The following PI4K2B variants were observed in gnomAD, a reference collection of about 807,000 sequenced individuals.
PI4K2B encodes phosphatidylinositol 4-kinase type 2-beta.
Under a neutral mutation model 56.6 loss-of-function variants are expected in PI4K2B, and 46 were observed. The observed-to-expected ratio is 0.81, with a 90% CI of 0.64 to 1.04. PI4K2B has a LOEUF of 1.04. PI4K2B is among the 50% of genes least tolerant of loss of function. PI4K2B has a pLI of 0.00. For synonymous variants in PI4K2B, 211 were observed against 223.8 expected (o/e 0.94, Z 0.51); for missense variants, 556 against 607.7 (o/e 0.91, Z 0.89).
chr4:25,264,737 G>A (rs1392601118), intron 7 of PI4K2B, among the ~76,000 whole-genome samples: 3 of 151,668 alleles, frequency 2.0e-5, no homozygotes, highest in Admixed American at 2.0e-4. Flanking sequence ...CAGGTGTGGT[G>A]GCCGATGCCT....
intron 9 of PI4K2B, among the ~76,000 whole-genome samples, chr4:25,275,317 C>G (rs1033719693): frequency 2.6e-5 from 4 of 152,132 alleles, no homozygotes; most frequent in African/African-American, 9.7e-5. Context: ...ATAATAAACT[C>G]AAATTTCATA....
At chr4:25,238,203 A>T (rs532552030) in intron 1 of PI4K2B, among the ~76,000 whole-genome samples, 1 of 152,318 alleles carries the variant, frequency 6.6e-6, no homozygotes, top group Admixed American at 6.5e-5. Context: ...GATTTTTGAA[A>T]TTACTGAGCA....
chr4:25,243,432 C>T (rs1715622982), intron 1 of PI4K2B, among the ~76,000 whole-genome samples: 1 of 152,224 alleles, frequency 6.6e-6, no homozygotes, highest in African/African-American at 2.4e-5. Context: ...TTTCTGTCCT[C>T]TCTGAACCAC....
At chr4:25,270,334 G>GT (rs1560380201) in intron 9 of PI4K2B, among the ~76,000 whole-genome samples, 3 of 150,954 alleles carry the variant, frequency 2.0e-5, no homozygotes, top group South Asian at 2.1e-4. Context: ...TGTTTTTTTG[G>GT]TTTTTTTTCT....
At position 25,268,551 on chromosome 4, in the gene PI4K2B, G is replaced by T. The variant is rs755925769; in HGVS notation, c.1187G>T (p.Cys396Phe). 6.3e-7 allele frequency: 1 copy of T among 1,583,684 alleles called. No individual in the cohort carries two copies. The highest frequency in any genetic ancestry group is 8.6e-7 in the Non-Finnish European group (1 of 1,161,008). ...GACATGAACTTTGTGCAAGATTTATGTGAAGATCTCTATGAACTTTTTAAG... is the reference window on the plus strand; with the variant it reads ...GACATGAACTTTGTGCAAGATTTATTTGAAGATCTCTATGAACTTTTTAAG... ...ISDMNFVQDL[C>F]EDLYELFKTD... The change falls in exon 8 of 10, where the codon TGT becomes TTT. Residue 396 changes from cysteine (C) to phenylalanine (F), a missense_variant. By Grantham distance (205) the Cys-to-Phe change is radical (BLOSUM62 -2). Transcript: ENST00000264864.
Position 25,270,552 on chromosome 4 carries a change from C to T in PI4K2B, c.1272+1349C>T, listed in dbSNP as rs544379294. ...TAGTAGAGATGGGATTTCACCATGT[C>T]GGCCAGGCTGGTCTTGAACTCCTGA... On this transcript the variant is annotated intron_variant, in intron 9 of 9. Coordinates refer to ENST00000264864, the MANE Select transcript of PI4K2B (RefSeq NM_018323.4). 7.9e-5 allele frequency among the ~76,000 whole-genome samples: 12 copies of T among 152,052 alleles called. No individual in the cohort carries two copies. The East Asian group carries it at 1.6e-3, about 20-fold the overall frequency.
At chr4:25,246,855 G>A (rs1274811989) in intron 1 of PI4K2B, among the ~76,000 whole-genome samples, 3 of 152,206 alleles carry the variant, frequency 2.0e-5, no homozygotes, top group African/African-American at 4.8e-5. Context: ...CTGCTGGCGC[G>A]GGTGCTAAGC....
intron 3 of PI4K2B, among the ~76,000 whole-genome samples, chr4:25,256,319 T>G (rs530450695): frequency 9.8e-5 from 15 of 152,358 alleles, no homozygotes; most frequent in African/African-American, 3.6e-4. Flanking sequence ...CTGGCAAATT[T>G]AGGCCTCTAA....
chr4:25,277,209 C>CA lies in PI4K2B; in HGVS notation c.*25dup. The stretch of plus-strand genomic sequence containing the variant: ...GTAGTAAATGTCAGAGTAAGAGAAA[C>CA]AAACTGTTTAGAATTATCATGTTTT... On this transcript the variant is annotated 3_prime_UTR_variant, in exon 10 of 10. Transcript: ENST00000264864. 6.3e-7 allele frequency: 1 copy of CA among 1,594,126 alleles called. No homozygotes were observed. The highest frequency in any genetic ancestry group is 8.6e-7 in the Non-Finnish European group (1 of 1,165,826).
chr4:25,257,493 G>A (rs367801116), intron 4 of PI4K2B, among the ~76,000 whole-genome samples: 1 of 152,184 alleles, frequency 6.6e-6, no homozygotes, highest in Admixed American at 6.5e-5. Context: ...GTAAATGGCA[G>A]CAGCTATGTT....
At chr4:25,270,243 C>T (rs932538322) in intron 9 of PI4K2B, among the ~76,000 whole-genome samples, 4 of 152,152 alleles carry the variant, frequency 2.6e-5, no homozygotes, top group Admixed American at 1.3e-4. Flanking sequence ...ACTAAATAAC[C>T]ATGTCACCAA....
At chr4:25,260,627 TATATATATATATATACACACACAC>T in intron 6 of PI4K2B, 36 bp downstream of exon 6, 2 of 278,734 alleles carry the variant, frequency 7.2e-6, no homozygotes, top group South Asian at 2.3e-4. Context: ...TATATATATA[TATATATATATATATACACACACAC>T]ACACACACAC....
chr4:25,247,920 C>T (rs1277534296), intron 1 of PI4K2B, among the ~76,000 whole-genome samples: 1 of 152,154 alleles, frequency 6.6e-6, no homozygotes, highest in Non-Finnish European at 1.5e-5. Flanking sequence ...CCAGGCTGGT[C>T]TTGAACTCCT....
chr4:25,263,647 G>A (rs780570696), intron 6 of PI4K2B, 103 bp from the exon 7 acceptor site: 4 of 471,058 alleles, frequency 8.5e-6, no homozygotes, highest in East Asian at 6.8e-5. Flanking sequence ...AGGCTCATCC[G>A]AGAGAATATG....
In PI4K2B at chr4:25,265,198, C is replaced by CAAAAAAAAAAAAAAA. The variant is rs71188933; in HGVS notation, c.1078+1358_1078+1372dup. ...CAACAAGAGTAAATCTCTGTCTCAC[C>CAAAAAAAAAAAAAAA]AAAAAAAAAAAAAAAAAAAAAAATT... On this transcript the variant is annotated intron_variant, in intron 7 of 9. Coordinates refer to ENST00000264864, the MANE Select transcript of PI4K2B (RefSeq NM_018323.4). Among the ~76,000 whole-genome samples the CAAAAAAAAAAAAAAA allele has an allele frequency of 4.0e-3, 264 of 65,382 alleles. 8 individuals are homozygous for CAAAAAAAAAAAAAAA. The highest frequency in any genetic ancestry group is 4.5e-3 in the South Asian group (5 of 1,110). 42.9% of individuals were successfully genotyped at this position (65,382 alleles called of 152,430 possible). A position where few individuals can be genotyped will look rare whatever the true frequency, so the allele number is the denominator to read the frequency against.
intron 7 of PI4K2B, 66 bp from the exon 8 acceptor site, chr4:25,268,377 G>A (rs867435299): frequency 1.5e-5 from 20 of 1,350,144 alleles, no homozygotes; most frequent in South Asian, 2.6e-5. Context: ...GGAAAGAACC[G>A]GGAAAAATGT....
chr4:25,243,249 G>A (rs925558031), intron 1 of PI4K2B, among the ~76,000 whole-genome samples: 10 of 152,184 alleles, frequency 6.6e-5, no homozygotes, highest in African/African-American at 2.4e-4. Context: ...TCTGGTTGGG[G>A]GCTTCTGACC....
intron 6 of PI4K2B, among the ~76,000 whole-genome samples, chr4:25,262,931 C>T (rs1716530629): frequency 6.6e-6 from 1 of 152,144 alleles, no homozygotes; most frequent in Non-Finnish European, 1.5e-5. Flanking sequence ...ATACCCAAGG[C>T]TGGGTCATTT....
intron 1 of PI4K2B, among the ~76,000 whole-genome samples, chr4:25,245,792 G>A (rs1209904528): frequency 2.0e-5 from 3 of 152,140 alleles, no homozygotes; most frequent in Admixed American, 6.6e-5. Flanking sequence ...CTCACTGCTC[G>A]GTGATAGTCT....
Sources: gnomAD v4.1 joint callset for allele counts (sites outside exome capture counted in the v4.1 genomes callset) on GRCh38, gnomAD v4.1.1 for gene constraint, MANE v1.5 for transcripts, NCBI Gene and HGNC (gene_info 2026-07-23, HGNC 2026-07-21) for gene names.